ANO4: variants seen among roughly 807,000 people sequenced by gnomAD.
The protein encoded by ANO4 is anoctamin 4, also known as anoctamin-4.
Under a neutral mutation model 141.9 loss-of-function variants are expected in ANO4, and 69 were observed. The ratio of observed to expected loss-of-function variants is 0.49; its 90% CI spans 0.40 to 0.59. ANO4 has a LOEUF of 0.59. Ranked by LOEUF, ANO4 falls within the 20% of genes least tolerant of loss-of-function variation. The pLI, the probability that ANO4 is intolerant of heterozygous loss-of-function variation, is 0.00. For synonymous variants in ANO4, 350 were observed against 394.3 expected (o/e 0.89, Z 1.33); for missense variants, 894 against 1,162.2 (o/e 0.77, Z 3.36).
intron 3 of ANO4, among the ~76,000 whole-genome samples, chr12:100,787,721 G>T (rs983853775): frequency 6.6e-6 from 1 of 152,174 alleles, no homozygotes; most frequent in Admixed American, 6.5e-5. Context: ...TTAAAGTGAG[G>T]ATGGCACTGA....
At chr12:101,089,608 T>C (rs935567212) in intron 17 of ANO4, among the ~76,000 whole-genome samples, 14 of 152,244 alleles carry the variant, frequency 9.2e-5, no homozygotes, top group Admixed American at 1.3e-4. Flanking sequence ...GCCTACTATA[T>C]TGTTATCATC....
chr12:101,035,424 C>T (rs2047154385), intron 9 of ANO4, among the ~76,000 whole-genome samples: 1 of 152,128 alleles, frequency 6.6e-6, no homozygotes. Context: ...ACTTTGGAGG[C>T]AATGGATATG....
intron 1 of ANO4, among the ~76,000 whole-genome samples, chr12:100,899,980 C>CA (rs1212632497): frequency 6.6e-6 from 1 of 152,166 alleles, no homozygotes; most frequent in Non-Finnish European, 1.5e-5. Flanking sequence ...CAAACCTACG[C>CA]ACTCTGATTC....
At chr12:100,958,411 A>C (rs751390910) in intron 5 of ANO4, among the ~76,000 whole-genome samples, 1 of 152,234 alleles carries the variant, frequency 6.6e-6, no homozygotes, top group Non-Finnish European at 1.5e-5. Context: ...AAAATCATAT[A>C]GTGCCTGGCA....
intron 1 of ANO4, among the ~76,000 whole-genome samples, chr12:100,884,125 A>G: frequency 6.6e-6 from 1 of 152,216 alleles, no homozygotes; most frequent in East Asian, 1.9e-4. Flanking sequence ...ATGCAATTTA[A>G]TGTCATGTTG....
At chr12:100,786,243 G>A (rs960485075) in intron 3 of ANO4, among the ~76,000 whole-genome samples, 8 of 152,210 alleles carry the variant, frequency 5.3e-5, no homozygotes, top group Non-Finnish European at 7.3e-5. Flanking sequence ...CGACCAAGGG[G>A]AGTGTAGTTC....
chr12:100,878,018 T>TATC (rs898275923), intron 1 of ANO4, among the ~76,000 whole-genome samples: 2 of 152,218 alleles, frequency 1.3e-5, no homozygotes, highest in African/African-American at 4.8e-5. Flanking sequence ...CTGTAATTTG[T>TATC]ATCTCAACTT....
chr12:100,809,451 G>A (rs1376068033), intron 1 of ANO4, among the ~76,000 whole-genome samples: 9 of 151,918 alleles, frequency 5.9e-5, no homozygotes, highest in African/African-American at 1.9e-4. Flanking sequence ...GGAACATGGA[G>A]TGGGAGAGCC....
intron 22 of ANO4, among the ~76,000 whole-genome samples, chr12:101,104,655 ATATATATATATATATAAAT>A (rs1566254919): frequency 2.7e-3 from 171 of 63,276 alleles, no homozygotes; most frequent in Non-Finnish European, 4.1e-3. Context: ...ATATATATAT[ATATATATATATATATAAAT>A]AAAAAGATTT....
At chr12:100,753,573 G>T (rs147479055) in intron 3 of ANO4, among the ~76,000 whole-genome samples, 1 of 152,086 alleles carries the variant, frequency 6.6e-6, no homozygotes, top group African/African-American at 2.4e-5. Flanking sequence ...CAGGCAGCCT[G>T]CTCTGCCAAT....
chr12:100,966,383 T>C (rs1044054663), intron 5 of ANO4, among the ~76,000 whole-genome samples: 1 of 152,166 alleles, frequency 6.6e-6, no homozygotes, highest in African/African-American at 2.4e-5. Flanking sequence ...TTGTTCAAGA[T>C]CACAGGGCTG....
intron 1 of ANO4, among the ~76,000 whole-genome samples, chr12:100,826,505 T>C (rs1174227320): frequency 1.3e-5 from 2 of 152,060 alleles, no homozygotes; most frequent in Admixed American, 6.6e-5. Context: ...TTGTATTTGG[T>C]CCATACCAGC....
rs147384304 is a variant in ANO4 at position 101,097,617 on chromosome 12, G to A, written c.1851-34G>A. 1.8e-5 allele frequency: 29 copies of A among 1,604,740 alleles called. No homozygotes were observed. In the African/African-American group the frequency reaches 3.3e-4, roughly 18 times the overall value. ...TATTCGCTGAAAGCTTGGACCTAGA[G>A]CACTAATGGCTTGTTTTTCTCTGTG... On this transcript the variant is annotated intron_variant, in intron 19 of 27. Coordinates refer to ENST00000392977, the MANE Select transcript of ANO4 (RefSeq NM_001286615.2).
intron 1 of ANO4, among the ~76,000 whole-genome samples, chr12:100,859,897 G>A (rs1407388712): frequency 6.6e-6 from 1 of 152,086 alleles, no homozygotes; most frequent in South Asian, 2.1e-4. Context: ...GTTAATATCT[G>A]TACCAAATAT....
chr12:101,108,055 C>T lies in ANO4; in HGVS notation c.2150-2349C>T, dbSNP rs184413526. On this transcript the variant is annotated intron_variant, in intron 22 of 27. Transcript: ENST00000392977. ...GATAAATACGTTCAAGGATGAGGTT[C>T]AGAGATTGGTTTGGGGAGTGCTGTT... Among the ~76,000 whole-genome samples, 142 of 152,136 alleles carry T rather than the reference C, an allele frequency of 9.3e-4. 2 individuals are homozygous for T. In the East Asian group the frequency reaches 0.02, roughly 21 times the overall value.
intron 19 of ANO4, among the ~76,000 whole-genome samples, chr12:101,097,103 T>C (rs1593260382): frequency 6.6e-6 from 1 of 152,014 alleles, no homozygotes; most frequent in African/African-American, 2.4e-5. Context: ...CCAGCAGTTA[T>C]GAGGATTTGG....
chr12:100,753,901 C>T (rs1348607458), intron 3 of ANO4, among the ~76,000 whole-genome samples: 4 of 152,222 alleles, frequency 2.6e-5, no homozygotes, highest in Non-Finnish European at 5.9e-5. Flanking sequence ...GTCCAAGCCA[C>T]TTCTGTGTTC....
chr12:100,780,569 G>C lies in ANO4; in HGVS notation c.358+40464G>C, dbSNP rs188984198. On this transcript the variant is annotated intron_variant, in intron 3 of 29. Coordinates refer to the ANO4 transcript ENST00000644049. ...GCATTTGTAAACTGTCATGGCACTGGTGGGAATGTCTTAAATACATTATAA... is the reference window on the plus strand; with the variant it reads ...GCATTTGTAAACTGTCATGGCACTGCTGGGAATGTCTTAAATACATTATAA... Among the ~76,000 whole-genome samples the C allele has an allele frequency of 7.0e-4, 107 of 152,334 alleles. 1 individual carries two copies. Among genetic ancestry groups the C allele is most frequent in the Admixed American group, 6.3e-3 (96 of 15,310 alleles).
At chr12:101,124,689 G>A (rs1395079407) in intron 26 of ANO4, among the ~76,000 whole-genome samples, 1 of 152,086 alleles carries the variant, frequency 6.6e-6, no homozygotes, top group Non-Finnish European at 1.5e-5. Context: ...TCTGCATATG[G>A]CTAGCCAGTT....
Sources: allele counts gnomAD v4.1 joint callset (sites outside exome capture counted in the v4.1 genomes callset), GRCh38; gene constraint gnomAD v4.1.1; transcripts MANE v1.5; gene names NCBI Gene and HGNC (gene_info 2026-07-23, HGNC 2026-07-21).